The following ODR4 variants were observed in gnomAD, a reference collection of about 807,000 sequenced individuals.
ODR4 encodes the protein odr-4 GPCR localization factor homolog, also known as protein odr-4 homolog.
Under a neutral mutation model 60.2 loss-of-function variants are expected in ODR4, and 47 were observed. That is an observed-to-expected ratio of 0.78 (90% CI 0.62 to 1.00). The LOEUF (loss-of-function observed/expected upper bound fraction) is 1.00. Ranked by LOEUF, ODR4 falls within the 50% of genes least tolerant of loss-of-function variation. The pLI, the probability that ODR4 is intolerant of heterozygous loss-of-function variation, is 0.00. For synonymous variants in ODR4, 178 were observed against 175.5 expected (o/e 1.01, Z -0.11); for missense variants, 488 against 530.8 (o/e 0.92, Z 0.79).
At chr1:186,397,180 A>G (rs1235055474) in intron 9 of ODR4, among the ~76,000 whole-genome samples, 1 of 152,208 alleles carries the variant, frequency 6.6e-6, no homozygotes, top group Admixed American at 6.5e-5. Context: ...CTTGAATTAC[A>G]CTAGACATCA....
At chr1:186,408,605 T>A (rs557719196) in intron 12 of ODR4, among the ~76,000 whole-genome samples, 50 of 149,924 alleles carry the variant, frequency 3.3e-4, no homozygotes, top group African/African-American at 1.0e-3. Flanking sequence ...TGTTTATATA[T>A]GTGAACATGT....
chr1:186,407,487 T>C (rs1455965261), intron 12 of ODR4, among the ~76,000 whole-genome samples: 4 of 152,118 alleles, frequency 2.6e-5, no homozygotes. Context: ...AGCCATTCTG[T>C]TGTTGAATAG....
Position 186,391,686 on chromosome 1 carries a change from TTC to T in ODR4, c.616-8_616-7del, listed in dbSNP as rs1558070885. The stretch of plus-strand genomic sequence containing the variant: ...TATCTGAAAGATTTCCATGTTGTGT[TTC>T]TGTTAAGAATGGACTTACACGCTGG... On this transcript the variant is annotated splice_region_variant and splice_polypyrimidine_tract_variant and intron_variant, in intron 7 of 13. Transcript: ENST00000287859. 6 of 1,547,720 alleles carry T rather than the reference TTC, an allele frequency of 3.9e-6. No homozygotes were observed. Among genetic ancestry groups the T allele is most frequent in the Non-Finnish European group, 5.3e-6 (6 of 1,127,820 alleles).
intron 11 of ODR4, chr1:186,400,908 C>T (rs905744091): frequency 5.5e-6 from 4 of 725,036 alleles, no homozygotes; most frequent in South Asian, 1.5e-5. Context: ...ATCAGTCTAG[C>T]AGCCCCATCT....
At position 186,388,475 on chromosome 1, in the gene ODR4, AAG is replaced by A. The variant is rs765691678; in HGVS notation, c.368_369del (p.Arg123IlefsTer30). ...MFAVEKSINR[K>X]RLWNFTEEEV... ...TGCTGTGGAAAAGTCTATAAATAGA[AAG>A]AGATTGTGGAATTTCACAGAGGAGG... On this transcript the variant is annotated frameshift_variant, in exon 5 of 14. Transcript: ENST00000287859. LOFTEE classifies it high-confidence loss of function. The A allele has an allele frequency of 3.8e-6, 6 of 1,570,076 alleles. No homozygotes were observed. The highest frequency in any genetic ancestry group is 4.3e-6 in the Non-Finnish European group (5 of 1,157,074).
At chr1:186,391,923 A>G (rs896754472) in intron 8 of ODR4, 132 bp downstream of exon 8, 5 of 631,122 alleles carry the variant, frequency 7.9e-6, no homozygotes, top group Non-Finnish European at 1.1e-5. Context: ...GATTTAAAGT[A>G]AAAGGCAAAT....
At chr1:186,421,653 C>T (rs899024489), downstream of ODR4, among the ~76,000 whole-genome samples, 7 of 151,980 alleles carry the variant, frequency 4.6e-5, no homozygotes, top group Non-Finnish European at 1.0e-4. Flanking sequence ...CACTTGGGGT[C>T]AGGAGTTCCA....
intron 9 of ODR4, among the ~76,000 whole-genome samples, chr1:186,396,771 AC>A (rs1293275322): frequency 6.7e-6 from 1 of 149,414 alleles, no homozygotes; most frequent in East Asian, 2.0e-4. Context: ...ATGTATATAC[AC>A]ACATACACAT....
chr1:186,382,287 A>C (rs1368720356), intron 2 of ODR4, among the ~76,000 whole-genome samples: 1 of 149,626 alleles, frequency 6.7e-6, no homozygotes, highest in Non-Finnish European at 1.5e-5. Context: ...ATTATGGCTG[A>C]TTGTTTGAGC....
Position 186,419,447 on chromosome 1 carries a change from C to T in ODR4, c.*371C>T, listed in dbSNP as rs577614034. On this transcript the variant is annotated 3_prime_UTR_variant, in exon 14 of 14. Coordinates refer to ENST00000287859, the MANE Select transcript of ODR4 (RefSeq NM_017847.6). ...TTTAACAGAGGCATGATGGCTCACA[C>T]GTATAATCCTAATGCTTTGAGAGGC... 4.4e-4 allele frequency: 93 copies of T among 213,058 alleles called. No individual in the cohort carries two copies. The highest frequency in any genetic ancestry group is 2.0e-3 in the African/African-American group (85 of 43,086). 13.2% of individuals were successfully genotyped at this position (213,058 alleles called of 1,614,324 possible).
chr1:186,416,874 AAAG>A (rs1361934993), intron 12 of ODR4, among the ~76,000 whole-genome samples: 3 of 151,302 alleles, frequency 2.0e-5, no homozygotes, highest in Admixed American at 2.0e-4. Context: ...AAAAAAAAAA[AAAG>A]TAAATTAATC....
chr1:186,385,980 A>C lies in ODR4; in HGVS notation c.235-8A>C. 1 of 1,532,524 alleles carries C rather than the reference A, an allele frequency of 6.5e-7. No homozygotes were observed. The allele number at this position is 1,532,524 out of a possible 1,614,324, so 94.9% of individuals were successfully genotyped here. On this transcript the variant is annotated splice_region_variant and splice_polypyrimidine_tract_variant and intron_variant, in intron 3 of 13. Transcript: ENST00000287859. ...ATTTGTTAGCTAATAATATATTTCTATTTTTAGGTATCCAGAATGCTACCA... is the reference window on the plus strand; with the variant it reads ...ATTTGTTAGCTAATAATATATTTCTCTTTTTAGGTATCCAGAATGCTACCA...
At chr1:186,428,104 CAA>C in the ODR4 span, among the ~76,000 whole-genome samples, 2 of 152,208 alleles carry the variant, frequency 1.3e-5, no homozygotes, top group African/African-American at 4.8e-5. Flanking sequence ...GCCCCTAAAA[CAA>C]GAGTCCGTCT....
At chr1:186,429,691 C>T in the ODR4 span, among the ~76,000 whole-genome samples, 1 of 151,038 alleles carries the variant, frequency 6.6e-6, no homozygotes, top group Non-Finnish European at 1.5e-5. Context: ...ATATCACCAA[C>T]ATAGCTAGGA....
chr1:186,388,441 G>T lies in ODR4; in HGVS notation c.331-1G>T. On this transcript the variant is annotated splice_acceptor_variant, in intron 4 of 13. Transcript: ENST00000287859. LOFTEE classifies it high-confidence loss of function. ...TTAGTGTGTATTTTTCTCTCTTTCA[G>T]CTAATGTTTGCTGTGGAAAAGTCTA... 1 of 1,503,824 alleles carries T rather than the reference G, an allele frequency of 6.6e-7. No individual in the cohort carries two copies. Among genetic ancestry groups the T allele is most frequent in the Non-Finnish European group, 8.9e-7 (1 of 1,119,514 alleles). 93.2% of individuals were successfully genotyped at this position (1,503,824 alleles called of 1,614,324 possible).
intron 12 of ODR4, among the ~76,000 whole-genome samples, chr1:186,413,144 T>G (rs2102087178): frequency 6.6e-6 from 1 of 152,168 alleles, no homozygotes; most frequent in South Asian, 2.1e-4. Context: ...AAGTCTGAAA[T>G]ACAAAATGCT....
intron 2 of ODR4, among the ~76,000 whole-genome samples, chr1:186,380,514 T>C (rs114922814): frequency 6.6e-6 from 1 of 151,784 alleles, no homozygotes; most frequent in African/African-American, 2.4e-5. Flanking sequence ...TGCCACTGAT[T>C]TCTTATGAGT....
intron 6 of ODR4, 94 bp from the exon 7 acceptor site, chr1:186,390,617 C>A: frequency 7.8e-7 from 1 of 1,273,924 alleles, no homozygotes; most frequent in Non-Finnish European, 1.1e-6. Context: ...AGTTTGTATG[C>A]GTTATTTAGG....
intron 3 of ODR4, among the ~76,000 whole-genome samples, chr1:186,384,425 G>C (rs1022296488): frequency 6.0e-4 from 92 of 152,200 alleles, no homozygotes; most frequent in African/African-American, 2.2e-3. Flanking sequence ...CCCCACTTGG[G>C]TTCACATTTC....
Sources: gnomAD v4.1 joint callset for allele counts (sites outside exome capture counted in the v4.1 genomes callset) on GRCh38, gnomAD v4.1.1 for gene constraint, MANE v1.5 for transcripts, NCBI Gene and HGNC (gene_info 2026-07-23, HGNC 2026-07-21) for gene names.